Variants in KIF13B observed in about 807,000 individuals in gnomAD.
KIF13B encodes kinesin family member 13B, also known as kinesin-like protein KIF13B.
KIF13B carries 127 observed loss-of-function variants against 222.0 expected under a neutral mutation model. The ratio of observed to expected loss-of-function variants is 0.57; its 90% CI spans 0.50 to 0.66. The LOEUF is 0.66. KIF13B is among the 30% of genes least tolerant of loss of function. The probability of loss-of-function intolerance (pLI) is 0.00; values close to 1 mark genes in which losing one functional copy is unlikely to be tolerated. For synonymous variants in KIF13B, 976 were observed against 919.0 expected, an observed-to-expected ratio of 1.06 and a Z score of -1.12; for missense variants, 2,173 against 2,379.0, an observed-to-expected ratio of 0.91 and a Z score of 1.80.
intron 30 of KIF13B, among the ~76,000 whole-genome samples, chr8:29,118,364 G>A (rs1482597498): frequency 4.0e-5 from 6 of 150,874 alleles, no homozygotes; most frequent in Admixed American, 1.3e-4. Context: ...GCATGGTGGC[G>A]CACACTTATA....
chr8:29,085,543 T>TA (rs992981608), intron 37 of KIF13B, among the ~76,000 whole-genome samples: 4 of 151,732 alleles, frequency 2.6e-5, no homozygotes, highest in Non-Finnish European at 2.9e-5. Context: ...TTTTTTTTTT[T>TA]AATTTTTAGT....
chr8:29,096,853 AT>A (rs1454415586), intron 36 of KIF13B, among the ~76,000 whole-genome samples: 1 of 152,164 alleles, frequency 6.6e-6, no homozygotes, highest in Non-Finnish European at 1.5e-5. Context: ...AAAAGAGGAA[AT>A]AAAATGAGAT....
intron 23 of KIF13B, among the ~76,000 whole-genome samples, chr8:29,131,031 C>T (rs1709893438): frequency 2.0e-5 from 3 of 152,172 alleles, no homozygotes; most frequent in South Asian, 2.1e-4. Context: ...AACTTGGATA[C>T]AGCTCGAGGC....
intron 29 of KIF13B, 35 bp from the exon 30 acceptor site, chr8:29,119,027 C>A (rs754420275): frequency 1.3e-6 from 2 of 1,599,922 alleles, no homozygotes; most frequent in South Asian, 1.1e-5. Context: ...ATACTGAGAT[C>A]ATTTTCAAGG....
intron 2 of KIF13B, among the ~76,000 whole-genome samples, chr8:29,237,027 G>A (rs1184829181): frequency 1.3e-5 from 2 of 152,060 alleles, no homozygotes; most frequent in African/African-American, 4.8e-5. Flanking sequence ...CTCTCAGCTT[G>A]ATACTTGGCA....
intron 2 of KIF13B, among the ~76,000 whole-genome samples, chr8:29,222,222 G>A (rs1814785747): frequency 6.6e-6 from 1 of 151,922 alleles, no homozygotes; most frequent in Non-Finnish European, 1.5e-5. Flanking sequence ...ATGGTGTTGT[G>A]TGCCTGTAGC....
At chr8:29,186,260 T>C (rs1429998183) in intron 6 of KIF13B, 32 bp downstream of exon 6, 2 of 1,543,740 alleles carry the variant, frequency 1.3e-6, no homozygotes, top group African/African-American at 2.8e-5. Flanking sequence ...CAGTTCACAA[T>C]GCTGAAACAC....
intron 25 of KIF13B, 23 bp downstream of exon 25, chr8:29,127,099 A>T (rs370592008): frequency 1.2e-6 from 2 of 1,610,162 alleles, no homozygotes; most frequent in African/African-American, 2.7e-5. Context: ...TTCAAGAAGA[A>T]CATAACAGGT....
chr8:29,098,776 G>T (rs1333248683), intron 36 of KIF13B, among the ~76,000 whole-genome samples: 1 of 151,696 alleles, frequency 6.6e-6, no homozygotes, highest in East Asian at 1.9e-4. Context: ...TTCCCAAGTC[G>T]TTTTATGAAG....
intron 5 of KIF13B, among the ~76,000 whole-genome samples, 179 bp from the exon 6 acceptor site, chr8:29,186,651 C>T (rs1812942422): frequency 6.6e-6 from 1 of 152,038 alleles, no homozygotes. Flanking sequence ...AAGTGAAAAG[C>T]AAATGTCCTT....
intron 32 of KIF13B, among the ~76,000 whole-genome samples, chr8:29,110,304 A>G (rs1809297160): frequency 6.6e-6 from 1 of 152,190 alleles, no homozygotes; most frequent in Non-Finnish European, 1.5e-5. Flanking sequence ...ATTCTCAACA[A>G]AACTGTTCTC....
intron 1 of KIF13B, chr8:29,250,085 CT>C: frequency 7.9e-7 from 1 of 1,272,298 alleles, no homozygotes. Context: ...ACAGTCAAAT[CT>C]GTATCATACA....
chr8:29,191,781 C>T (rs1445136564), intron 3 of KIF13B, among the ~76,000 whole-genome samples: 1 of 152,206 alleles, frequency 6.6e-6, no homozygotes, highest in Non-Finnish European at 1.5e-5. Flanking sequence ...TCTTTTTAAA[C>T]CAACTAAGCA....
At chr8:29,103,146 G>C (rs924646887) in intron 35 of KIF13B, among the ~76,000 whole-genome samples, 3 of 151,578 alleles carry the variant, frequency 2.0e-5, no homozygotes, top group Admixed American at 6.6e-5. Flanking sequence ...GGAGGCTGAG[G>C]CAGGAGAACG....
At chr8:29,131,174 TG>T (rs1381721738) in intron 23 of KIF13B, among the ~76,000 whole-genome samples, 1 of 152,104 alleles carries the variant, frequency 6.6e-6, no homozygotes, top group Non-Finnish European at 1.5e-5. Flanking sequence ...TCCCAGGAGT[TG>T]GGGAGCAGGG....
intron 14 of KIF13B, among the ~76,000 whole-genome samples, chr8:29,151,268 C>G (rs1811285142): frequency 6.6e-6 from 1 of 152,158 alleles, no homozygotes; most frequent in Non-Finnish European, 1.5e-5. Flanking sequence ...AAGTTGGAAG[C>G]TAGCAGAGGT....
chr8:29,102,527 G>A (rs986345631), intron 35 of KIF13B, among the ~76,000 whole-genome samples: 8 of 152,240 alleles, frequency 5.3e-5, no homozygotes, highest in Non-Finnish European at 7.3e-5. Context: ...TAAGAACGCC[G>A]GAGGCTCCGG....
At chr8:29,251,897 A>G (rs926828175) in intron 1 of KIF13B, among the ~76,000 whole-genome samples, 33 of 152,226 alleles carry the variant, frequency 2.2e-4, no homozygotes, top group Admixed American at 5.9e-4. Flanking sequence ...AAGCAATTAA[A>G]AACCAGAGTG....
rs764060371 is a variant in KIF13B at position 29,070,658 on chromosome 8, C to T, written c.5327G>A (p.Arg1776Gln). The T allele has an allele frequency of 1.7e-5, 26 of 1,562,966 alleles. No individual in the cohort carries two copies. Among genetic ancestry groups the T allele is most frequent in the Middle Eastern group, 1.7e-4 (1 of 5,982 alleles). ...RVRRATGPVR[R>Q]RSTGLRLGAP... ...ACCCAGCCGGAGTCCTGTGCTGCGC[C>T]GCCGCACAGGGCCCGTGGCCCTGCG... Residue 1776 changes from arginine to glutamine, a missense_variant, in exon 40 of 40, where the codon CGG becomes CAG. By Grantham distance (43) the Arg-to-Gln change is conservative. Transcript: ENST00000524189. This position sits in a 1 kb window ranked among gnomAD's most constrained non-coding sequence, Gnocchi z 4.1.
Sources: allele counts gnomAD v4.1 joint callset (sites outside exome capture counted in the v4.1 genomes callset), GRCh38; gene constraint gnomAD v4.1.1; non-coding constraint Gnocchi (gnomAD v3.1); transcripts MANE v1.5; gene names NCBI Gene and HGNC (gene_info 2026-07-23, HGNC 2026-07-21).